Variants in FRAS1 observed in about 807,000 individuals in gnomAD.
FRAS1 encodes the protein Fraser extracellular matrix complex subunit 1, also known as extracellular matrix organizing protein FRAS1.
In FRAS1, 290 loss-of-function variants were observed where a neutral mutation model predicts 435.2. That is an observed-to-expected ratio of 0.67 (90% CI 0.61 to 0.73). The LOEUF (loss-of-function observed/expected upper bound fraction) is 0.73, where lower values mean the gene tolerates loss of function less well. FRAS1 is among the 30% of genes least tolerant of loss of function. The pLI is 0.00. For synonymous variants in FRAS1, 1,800 were observed against 1,851.0 expected, an observed-to-expected ratio of 0.97 and a Z score of 0.71; for missense variants, 4,860 against 5,001.5, an observed-to-expected ratio of 0.97 and a Z score of 0.85.
intron 1 of FRAS1, among the ~76,000 whole-genome samples, chr4:78,064,231 A>T (rs1739887663): frequency 6.6e-6 from 1 of 150,908 alleles, no homozygotes; most frequent in Non-Finnish European, 1.5e-5. Context: ...ATAAAATAAA[A>T]AAATAGGGAG....
At chr4:78,294,586 G>A (rs73827949) in intron 14 of FRAS1, among the ~76,000 whole-genome samples, 2,087 of 152,310 alleles carry the variant, frequency 0.014, 52 homozygotes, top group African/African-American at 0.047. Context: ...AGCAATGAAA[G>A]GTCCATGTGG....
intron 15 of FRAS1, among the ~76,000 whole-genome samples, chr4:78,309,001 C>T (rs902881640): frequency 1.3e-5 from 2 of 152,148 alleles, no homozygotes; most frequent in East Asian, 3.8e-4. Context: ...AGGATATTAT[C>T]CTGGATTATC....
At chr4:78,291,663 G>A (rs1268920301) in intron 14 of FRAS1, among the ~76,000 whole-genome samples, 1 of 152,114 alleles carries the variant, frequency 6.6e-6, no homozygotes, top group East Asian at 1.9e-4. Flanking sequence ...CATTGTTCTA[G>A]GTCCTGAGTA....
Position 78,354,023 on chromosome 4 carries a change from TA to T in FRAS1, c.2423-9469del, listed in dbSNP as rs767987937. On this transcript the variant is annotated intron_variant, in intron 20 of 73. Transcript: ENST00000512123. Reference sequence around the variant, plus strand: ...CAAAAAAATTAAAAAAAAAATAAAATAAAAAAAAAAAAAAAAAAAAAGCTTC... The same window carrying T: ...CAAAAAAATTAAAAAAAAAATAAAATAAAAAAAAAAAAAAAAAAAAGCTTC... 7.2e-4 allele frequency among the ~76,000 whole-genome samples: 76 copies of T among 106,050 alleles called. 8 individuals carry two copies. In the East Asian group the frequency reaches 0.011, roughly 15 times the overall value. 69.6% of individuals were successfully genotyped at this position (106,050 alleles called of 152,430 possible).
chr4:78,066,056 T>G (rs775233503), intron 2 of FRAS1, 40 bp downstream of exon 2: 7 of 1,442,722 alleles, frequency 4.9e-6, no homozygotes, highest in Non-Finnish European at 6.8e-6. Context: ...GTCATTTGAA[T>G]GTAAAATGCT....
rs940128039 is a variant in FRAS1, at chr4:78,126,480, C to T, written c.108+60464C>T. On this transcript the variant is annotated intron_variant, in intron 2 of 73. Transcript: ENST00000512123. ...AAATGCAGAAATCACCCATCTTCTGCGTCAATCTCACTAGGAGCTGTAGAC... is the reference window on the plus strand; with the variant it reads ...AAATGCAGAAATCACCCATCTTCTGTGTCAATCTCACTAGGAGCTGTAGAC... 3.3e-5 allele frequency among the ~76,000 whole-genome samples: 5 copies of T among 152,190 alleles called. No individual in the cohort carries two copies. In the South Asian group the frequency reaches 6.2e-4, roughly 19 times the overall value.
At chr4:78,400,978 T>G in intron 30 of FRAS1, 91 bp downstream of exon 30, 1 of 1,172,786 alleles carries the variant, frequency 8.5e-7, no homozygotes. Context: ...AGATTGCAAT[T>G]CCAATGAACT....
In FRAS1 at chr4:78,464,609, C is replaced by A. The variant is rs756746786; in HGVS notation, c.7029+26C>A. Reference sequence around the variant, plus strand: ...GTAAGAGCACTTCTTCCCATGGGTTCTCTGGCTAAATGAGAGGCTGACCTG... The same window carrying A: ...GTAAGAGCACTTCTTCCCATGGGTTATCTGGCTAAATGAGAGGCTGACCTG... On this transcript the variant is annotated intron_variant, in intron 49 of 73. Coordinates refer to ENST00000512123, the MANE Select transcript of FRAS1 (RefSeq NM_025074.7). 1.9e-6 allele frequency: 3 copies of A among 1,611,360 alleles called. No individual in the cohort carries two copies. In the African/African-American group the frequency reaches 4.0e-5, roughly 22 times the overall value.
intron 2 of FRAS1, among the ~76,000 whole-genome samples, chr4:78,123,676 T>C (rs1459683835): frequency 1.3e-5 from 2 of 152,232 alleles, no homozygotes; most frequent in East Asian, 3.8e-4. Flanking sequence ...GTAGTTCTCC[T>C]TGAAGAGGTC....
intron 2 of FRAS1, among the ~76,000 whole-genome samples, chr4:78,154,236 T>C (rs1309270996): frequency 2.0e-5 from 3 of 152,304 alleles, no homozygotes; most frequent in East Asian, 1.9e-4. Context: ...TTGTGTTTCA[T>C]GGACACACAC....
chr4:78,387,422 G>C lies in FRAS1; in HGVS notation c.3696G>C (p.Glu1232Asp). 1 of 1,613,468 alleles carries C rather than the reference G, an allele frequency of 6.2e-7. No homozygotes were observed. The change falls in exon 29 of 74, where the codon GAG becomes GAC. Residue 1232 changes from glutamate to aspartate, a missense_variant. Transcript: ENST00000512123. ...RNEVLHISRG[E>D]RATITTQMLD... The stretch of plus-strand genomic sequence containing the variant: ...AAGTTCTCCACATTAGCAGAGGAGA[G>C]AGGGCAACCATCACCACCCAGATGC...
At position 78,116,650 on chromosome 4, in the gene FRAS1, A is replaced by C. The variant is rs530219736; in HGVS notation, c.108+50634A>C. Among the ~76,000 whole-genome samples, 6 of 152,244 alleles carry C rather than the reference A, an allele frequency of 3.9e-5. No homozygotes were observed. The South Asian group carries it at 1.2e-3, about 32-fold the overall frequency. On this transcript the variant is annotated intron_variant, in intron 2 of 73. Transcript: ENST00000512123. The stretch of plus-strand genomic sequence containing the variant: ...CTGTTTTATCAGAGACTAGGATTGC[A>C]ATCCCTGCCTTTTTTTGTTTTCCAT...
chr4:78,270,845 A>G (rs990785735), intron 9 of FRAS1, among the ~76,000 whole-genome samples: 6 of 152,144 alleles, frequency 3.9e-5, no homozygotes, highest in Non-Finnish European at 7.3e-5. Flanking sequence ...ATGTAAATGC[A>G]TCTGCTTTCT....
intron 47 of FRAS1, among the ~76,000 whole-genome samples, chr4:78,457,458 G>A (rs927154207): frequency 3.9e-5 from 6 of 152,132 alleles, no homozygotes; most frequent in African/African-American, 1.4e-4. Context: ...GTGAATCACA[G>A]GTTACACAGA....
intron 2 of FRAS1, among the ~76,000 whole-genome samples, chr4:78,080,207 C>T (rs1740832030): frequency 6.6e-6 from 1 of 152,088 alleles, no homozygotes; most frequent in African/African-American, 2.4e-5. Flanking sequence ...AAATGGATAC[C>T]ACTGTGCCTC....
rs920431611 is a variant in FRAS1 at position 78,484,628 on chromosome 4, G to C, written c.8752+2093G>C. Among the ~76,000 whole-genome samples, 26 of 152,262 alleles carry C rather than the reference G, an allele frequency of 1.7e-4. 1 individual carries two copies. The highest frequency in any genetic ancestry group is 1.3e-3 in the Admixed American group (20 of 15,286). On this transcript the variant is annotated intron_variant, in intron 58 of 73. Transcript: ENST00000512123. ...ATTTAGGTTTGTGATTCACAAAACG[G>C]TAACTTTTACACCATGAACAAGATT... is the stretch of plus-strand genomic sequence containing the variant.
chr4:78,145,041 T>A lies in FRAS1; in HGVS notation c.108+79025T>A, dbSNP rs867311864. On this transcript the variant is annotated intron_variant, in intron 2 of 73. Coordinates refer to ENST00000512123, the MANE Select transcript of FRAS1 (RefSeq NM_025074.7). The stretch of plus-strand genomic sequence containing the variant: ...TTTCTAATGCTTCCTATATTATTTT[T>A]AAATTTCCCTTTAGAAAGATTGTGC... 1.4e-4 allele frequency among the ~76,000 whole-genome samples: 21 copies of A among 152,344 alleles called. No homozygotes were observed. The South Asian group carries it at 1.4e-3, about 11-fold the overall frequency.
intron 20 of FRAS1, among the ~76,000 whole-genome samples, chr4:78,362,455 A>G (rs1478739396): frequency 1.3e-5 from 2 of 152,228 alleles, no homozygotes; most frequent in Non-Finnish European, 2.9e-5. Context: ...TAGTGAGTGC[A>G]GGATCTGGCT....
At chr4:78,317,327 C>T (rs767144424) in intron 16 of FRAS1, 41 bp from the exon 17 acceptor site, 2 of 1,612,186 alleles carry the variant, frequency 1.2e-6, no homozygotes, top group Non-Finnish European at 1.7e-6. Flanking sequence ...ACTTTATTCA[C>T]CCATGTCCCA....
Sources: gnomAD v4.1 joint callset for allele counts (sites outside exome capture counted in the v4.1 genomes callset) on GRCh38, gnomAD v4.1.1 for gene constraint, MANE v1.5 for transcripts, NCBI Gene and HGNC (gene_info 2026-07-23, HGNC 2026-07-21) for gene names.